Variants in BCAT1 observed in about 807,000 individuals in gnomAD.
The protein encoded by BCAT1 is branched chain amino acid transaminase 1.
Under a neutral mutation model 52.4 loss-of-function variants are expected in BCAT1, and 48 were observed. That is an observed-to-expected ratio of 0.92 (90% CI 0.73 to 1.16). The LOEUF is 1.16. Among genes scored for constraint, BCAT1 ranks in the 50% most tolerant of loss-of-function variants. BCAT1 has a pLI of 0.00. For synonymous variants in BCAT1, 167 were observed against 161.3 expected, an observed-to-expected ratio of 1.04 and a Z score of -0.27; for missense variants, 451 against 457.1, an observed-to-expected ratio of 0.99 and a Z score of 0.12.
At position 24,867,461 on chromosome 12, in the gene BCAT1, C is replaced by T. The variant is rs140640198; in HGVS notation, c.510+11069G>A. Among the ~76,000 whole-genome samples the T allele has an allele frequency of 4.0e-5, 6 of 151,048 alleles. No homozygotes were observed. In the East Asian group the frequency reaches 9.8e-4, roughly 25 times the overall value. The stretch of plus-strand genomic sequence containing the variant: ...TTGCCAAACGTCATAGCTGTTGACA[C>T]TGATGATACTTCCAGTGGCTATGGG... On this transcript the variant is annotated intron_variant, in intron 5 of 10. Coordinates refer to ENST00000261192, the MANE Select transcript of BCAT1 (RefSeq NM_005504.7).
rs533324756 is a variant in BCAT1 at position 24,947,577 on chromosome 12, A to C, written c.6+1350T>G. On this transcript the variant is annotated intron_variant, in intron 1 of 10. Coordinates refer to ENST00000261192, the MANE Select transcript of BCAT1 (RefSeq NM_005504.7). ...CCATACTTCTTCGATCATACCTAGA[A>C]TACAATCATTTCTTTCTTAATCTTA... is the stretch of plus-strand genomic sequence containing the variant. 7.9e-5 allele frequency among the ~76,000 whole-genome samples: 12 copies of C among 152,372 alleles called. No individual in the cohort carries two copies. The South Asian group carries it at 2.5e-3, about 32-fold the overall frequency.
At chr12:24,928,145 G>A (rs531370321) in intron 1 of BCAT1, among the ~76,000 whole-genome samples, 2 of 152,234 alleles carry the variant, frequency 1.3e-5, no homozygotes, top group Non-Finnish European at 2.9e-5. Flanking sequence ...GAGAAGTTAA[G>A]TACTGGAAAC....
At chr12:24,940,675 A>G (rs1943835373) in intron 1 of BCAT1, among the ~76,000 whole-genome samples, 1 of 152,238 alleles carries the variant, frequency 6.6e-6, no homozygotes, top group Non-Finnish European at 1.5e-5. Flanking sequence ...TGAATAGTTG[A>G]TGTGTATAAC....
intron 5 of BCAT1, among the ~76,000 whole-genome samples, chr12:24,877,065 G>A (rs973713404): frequency 1.3e-5 from 2 of 152,148 alleles, no homozygotes; most frequent in African/African-American, 2.4e-5. Context: ...TGCAATTCAC[G>A]AAATTCATTA....
intron 1 of BCAT1, among the ~76,000 whole-genome samples, chr12:24,929,660 T>G (rs1214343980): frequency 6.6e-6 from 1 of 152,208 alleles, no homozygotes; most frequent in African/African-American, 2.4e-5. Flanking sequence ...TTTTATCACC[T>G]GAGAGACTTT....
At chr12:24,884,843 T>A (rs1942611593) in intron 3 of BCAT1, among the ~76,000 whole-genome samples, 1 of 152,202 alleles carries the variant, frequency 6.6e-6, no homozygotes, top group South Asian at 2.1e-4. Context: ...AAAAAAACTA[T>A]ATGATCATCT....
intron 3 of BCAT1, among the ~76,000 whole-genome samples, chr12:24,885,795 C>T (rs1397793077): frequency 6.6e-6 from 1 of 152,034 alleles, no homozygotes; most frequent in African/African-American, 2.4e-5. Context: ...AAGTACCGCC[C>T]GTTTAAATGG....
intron 3 of BCAT1, among the ~76,000 whole-genome samples, chr12:24,891,457 C>T (rs761612781): frequency 2.6e-4 from 40 of 152,296 alleles, no homozygotes; most frequent in Non-Finnish European, 4.7e-4. Context: ...ACCACTTAGC[C>T]ATCCTAGTCA....
At chr12:24,866,939 C>T (rs192929088) in intron 5 of BCAT1, among the ~76,000 whole-genome samples, 52 of 152,290 alleles carry the variant, frequency 3.4e-4, no homozygotes, top group African/African-American at 1.2e-3. Flanking sequence ...TTTGTTCTCT[C>T]GCTCTTTGCA....
At position 24,822,792 on chromosome 12, in the gene BCAT1, TTAGTA is replaced by T. The variant is rs762126784; in HGVS notation, c.1120-4748_1120-4744del. ...TGATTGCATGCCTTTGTTTCTTTGT[TTAGTA>T]TGAGGTTCTGAATATATCATTTAGT... On this transcript the variant is annotated intron_variant, in intron 10 of 10. Coordinates refer to ENST00000261192, the MANE Select transcript of BCAT1 (RefSeq NM_005504.7). 2.6e-4 allele frequency among the ~76,000 whole-genome samples: 40 copies of T among 152,326 alleles called. 1 individual carries two copies. Among genetic ancestry groups the T allele is most frequent in the South Asian group, 1.4e-3 (7 of 4,832 alleles).
At position 24,899,440 on chromosome 12, in the gene BCAT1, A is replaced by T. The variant is rs1025066635; in HGVS notation, c.78+2374T>A. On this transcript the variant is annotated intron_variant, in intron 2 of 10. Coordinates refer to ENST00000261192, the MANE Select transcript of BCAT1 (RefSeq NM_005504.7). Reference sequence around the variant, plus strand: ...CTTATACACTGTTGGTAAGAATGTAAATTAGTTTATCTACTGTGGAAAATG... The same window carrying T: ...CTTATACACTGTTGGTAAGAATGTATATTAGTTTATCTACTGTGGAAAATG... Among the ~76,000 whole-genome samples, 10 of 152,288 alleles carry T rather than the reference A, an allele frequency of 6.6e-5. No homozygotes were observed. The East Asian group carries it at 7.7e-4, about 12-fold the overall frequency.
intron 1 of BCAT1, among the ~76,000 whole-genome samples, chr12:24,913,560 G>C (rs962044677): frequency 1.3e-5 from 2 of 152,184 alleles, no homozygotes; most frequent in African/African-American, 4.8e-5. Context: ...AACAAGAACT[G>C]GATGCAAACC....
intron 1 of BCAT1, among the ~76,000 whole-genome samples, chr12:24,907,469 G>A (rs948423360): frequency 1.3e-5 from 2 of 152,194 alleles, no homozygotes; most frequent in African/African-American, 4.8e-5. Context: ...ATGGCCTGAA[G>A]CAACTGAAGA....
chr12:24,902,098 G>A, intron 1 of BCAT1: 2 of 1,472,124 alleles, frequency 1.4e-6, no homozygotes, highest in Non-Finnish European at 8.9e-7. Context: ...TGCCGGGGTC[G>A]CGGCGGTTTT....
intron 5 of BCAT1, among the ~76,000 whole-genome samples, chr12:24,860,100 TTA>T (rs1491135231): frequency 2.0e-5 from 3 of 152,214 alleles, no homozygotes; most frequent in Non-Finnish European, 4.4e-5. Flanking sequence ...TCCTAAGACT[TTA>T]TGTTATCCAC....
rs552828202 is a variant in BCAT1 at position 24,927,403 on chromosome 12, T to A, written c.6+21524A>T. 2.6e-5 allele frequency among the ~76,000 whole-genome samples: 4 copies of A among 152,288 alleles called. No individual in the cohort carries two copies. The East Asian group carries it at 7.7e-4, about 29-fold the overall frequency. On this transcript the variant is annotated intron_variant, in intron 1 of 10. Coordinates refer to ENST00000261192, the MANE Select transcript of BCAT1 (RefSeq NM_005504.7). ...TCTACATAGACAAGCTACATAGCAA[T>A]ACTGGAAAAACCTAGAATGTTATTT...
chr12:24,883,922 C>T (rs1942581324), intron 3 of BCAT1, among the ~76,000 whole-genome samples: 1 of 152,170 alleles, frequency 6.6e-6, no homozygotes, highest in South Asian at 2.1e-4. Context: ...AATGCTCACT[C>T]GCAGCTGCTC....
chr12:24,887,061 T>TAAAAATAAAAAAAAAAA (rs1207898454), intron 3 of BCAT1, among the ~76,000 whole-genome samples: 1 of 7,590 alleles, frequency 1.3e-4, no homozygotes, highest in East Asian at 6.8e-3. Flanking sequence ...AGATGCTAGC[T>TAAAAATAAAAAAAAAAA]AAAAAAAAAA....
At chr12:24,885,337 C>T (rs745999371) in intron 3 of BCAT1, among the ~76,000 whole-genome samples, 15 of 151,964 alleles carry the variant, frequency 9.9e-5, no homozygotes, top group Non-Finnish European at 1.8e-4. Context: ...AAAAATCTAA[C>T]AAAAGAAGTG....
Sources: allele counts gnomAD v4.1 joint callset (sites outside exome capture counted in the v4.1 genomes callset), GRCh38; gene constraint gnomAD v4.1.1; transcripts MANE v1.5; gene names NCBI Gene and HGNC (gene_info 2026-07-23, HGNC 2026-07-21).